NPAS3: variants seen among roughly 807,000 people sequenced by gnomAD.
The protein encoded by NPAS3 is neuronal PAS domain protein 3, also known as neuronal PAS domain-containing protein 3.
In NPAS3, 14 loss-of-function variants were observed where a neutral mutation model predicts 73.1. That is an observed-to-expected ratio of 0.19 (90% CI 0.13 to 0.30). NPAS3 has a LOEUF of 0.30. Ranked by LOEUF, NPAS3 falls within the 10% of genes least tolerant of loss-of-function variation. NPAS3 has a pLI of 1.00. For synonymous variants in NPAS3, 620 were observed against 541.5 expected (o/e 1.14, Z -2.01); for missense variants, 1,096 against 1,250.0 (o/e 0.88, Z 1.86).
At chr14:33,112,444 G>A (rs1216230876) in intron 2 of NPAS3, among the ~76,000 whole-genome samples, 4 of 152,180 alleles carry the variant, frequency 2.6e-5, no homozygotes, top group Non-Finnish European at 4.4e-5. Flanking sequence ...TTTTTCATGT[G>A]TCTGTTGGCT....
intron 5 of NPAS3, among the ~76,000 whole-genome samples, chr14:33,649,060 A>C (rs2058915375): frequency 1.3e-5 from 2 of 152,194 alleles, no homozygotes; most frequent in South Asian, 4.1e-4. Flanking sequence ...GCAATAACTC[A>C]AATTTGAGTT....
At chr14:33,691,296 A>G (rs1465466021) in intron 6 of NPAS3, among the ~76,000 whole-genome samples, 2 of 152,236 alleles carry the variant, frequency 1.3e-5, no homozygotes, top group South Asian at 2.1e-4. Flanking sequence ...AAGAATATAA[A>G]ATGGAACAAA....
intron 2 of NPAS3, among the ~76,000 whole-genome samples, chr14:33,134,030 A>C (rs2139126455): frequency 6.6e-6 from 1 of 152,306 alleles, no homozygotes; most frequent in East Asian, 1.9e-4. Flanking sequence ...GCTTTCTATA[A>C]GAAAATGAGG....
chr14:33,131,719 G>C (rs892195825), intron 2 of NPAS3, among the ~76,000 whole-genome samples: 6 of 152,152 alleles, frequency 3.9e-5, no homozygotes, highest in Non-Finnish European at 7.3e-5. Flanking sequence ...ATGTAAGTTA[G>C]TCTGCCAATA....
chr14:33,786,082 A>G (rs1479159768), intron 9 of NPAS3, among the ~76,000 whole-genome samples: 1 of 152,218 alleles, frequency 6.6e-6, no homozygotes, highest in Non-Finnish European at 1.5e-5. Flanking sequence ...GCAAGCGGGT[A>G]GAATTACTGT....
chr14:33,056,854 A>G (rs1011043585), intron 2 of NPAS3, among the ~76,000 whole-genome samples: 22 of 152,188 alleles, frequency 1.4e-4, no homozygotes, highest in Non-Finnish European at 2.6e-4. Flanking sequence ...TGTAAACATA[A>G]TTCCACTGAA....
chr14:33,273,777 GT>G, intron 3 of NPAS3, among the ~76,000 whole-genome samples: 1 of 152,266 alleles, frequency 6.6e-6, no homozygotes, highest in East Asian at 1.9e-4. Context: ...AGGGGTACTT[GT>G]TTTGTTGTAT....
intron 5 of NPAS3, among the ~76,000 whole-genome samples, chr14:33,654,348 AAAG>A (rs1409259268): frequency 6.6e-6 from 1 of 152,208 alleles, no homozygotes; most frequent in Non-Finnish European, 1.5e-5. Flanking sequence ...TTGCAGACAC[AAAG>A]AAGAATTGAA....
chr14:33,505,450 A>G (rs2052712272), intron 4 of NPAS3, among the ~76,000 whole-genome samples: 1 of 152,002 alleles, frequency 6.6e-6, no homozygotes, highest in South Asian at 2.1e-4. Context: ...ACTTGCTGGA[A>G]ATTCACATGA....
At chr14:33,303,297 G>A (rs12897673) in intron 3 of NPAS3, among the ~76,000 whole-genome samples, 42,591 of 151,852 alleles carry the variant, frequency 0.28, 6,063 homozygotes, top group Middle Eastern at 0.34. Flanking sequence ...GCCAATTATA[G>A]ATTTATAATT....
chr14:33,121,133 T>C (rs2043216851), intron 2 of NPAS3, among the ~76,000 whole-genome samples: 1 of 152,058 alleles, frequency 6.6e-6, no homozygotes, highest in South Asian at 2.1e-4. Flanking sequence ...ATCAAGTCTG[T>C]CTTATGCACA....
In NPAS3 at chr14:33,506,809, C is replaced by T. The variant is rs148794761; in HGVS notation, c.469-53312C>T. Among the ~76,000 whole-genome samples, 403 of 152,080 alleles carry T rather than the reference C, an allele frequency of 2.6e-3. 1 individual carries two copies. Among genetic ancestry groups the T allele is most frequent in the African/African-American group, 8.6e-3 (355 of 41,520 alleles). On this transcript the variant is annotated intron_variant, in intron 4 of 11. Transcript: ENST00000356141. Reference sequence around the variant, plus strand: ...TACTGTGTAGGAAGACAGTCTCCCCCCTAATTCCCCACACTTGAAGTAGGA... The same window carrying T: ...TACTGTGTAGGAAGACAGTCTCCCCTCTAATTCCCCACACTTGAAGTAGGA...
intron 1 of NPAS3, among the ~76,000 whole-genome samples, chr14:33,047,296 A>C (rs1474665059): frequency 6.6e-6 from 1 of 152,138 alleles, no homozygotes; most frequent in African/African-American, 2.4e-5. Context: ...CAATTAGGTA[A>C]AGTTGGTTAG....
chr14:33,000,704 A>T (rs1392040605), intron 1 of NPAS3, among the ~76,000 whole-genome samples: 4 of 152,262 alleles, frequency 2.6e-5, no homozygotes, highest in Non-Finnish European at 5.9e-5. Context: ...AAACATAAAA[A>T]CATAGTCATA....
At chr14:33,259,538 G>A (rs540550933) in intron 3 of NPAS3, among the ~76,000 whole-genome samples, 3 of 152,184 alleles carry the variant, frequency 2.0e-5, no homozygotes, top group East Asian at 1.9e-4. Context: ...AATTATAATC[G>A]CACTCAATAT....
intron 3 of NPAS3, among the ~76,000 whole-genome samples, chr14:33,300,531 A>C (rs2042486882): frequency 6.6e-6 from 1 of 152,204 alleles, no homozygotes; most frequent in African/African-American, 2.4e-5. Flanking sequence ...TGACACTGCA[A>C]AGCAAGTGTG....
intron 1 of NPAS3, among the ~76,000 whole-genome samples, chr14:33,006,078 T>A (rs1253311050): frequency 6.6e-6 from 1 of 152,148 alleles, no homozygotes; most frequent in Non-Finnish European, 1.5e-5. Context: ...CTTCATCTCC[T>A]CTTGCTCTCT....
chr14:33,607,240 T>A (rs545143409), intron 5 of NPAS3, among the ~76,000 whole-genome samples: 1 of 152,234 alleles, frequency 6.6e-6, no homozygotes. Flanking sequence ...TAGCTTTGTT[T>A]GTAATAGTCA....
At chr14:33,180,868 G>A (rs1194867172) in intron 2 of NPAS3, among the ~76,000 whole-genome samples, 1 of 149,974 alleles carries the variant, frequency 6.7e-6, no homozygotes, top group Non-Finnish European at 1.5e-5. Flanking sequence ...ATTCAGTAGT[G>A]ATGACAGATT....
Sources: allele counts gnomAD v4.1 joint callset (sites outside exome capture counted in the v4.1 genomes callset), GRCh38; gene constraint gnomAD v4.1.1; transcripts MANE v1.5; gene names NCBI Gene and HGNC (gene_info 2026-07-23, HGNC 2026-07-21).